The following ZNF462 variants were observed in gnomAD, a reference collection of about 807,000 sequenced individuals.
ZNF462 encodes zinc finger protein 462.
ZNF462 carries 10 observed loss-of-function variants against 201.9 expected under a neutral mutation model. That is an observed-to-expected ratio of 0.05 (90% CI 0.03 to 0.08). ZNF462 has a LOEUF of 0.08. ZNF462 is among the 10% of genes least tolerant of loss of function. The probability of loss-of-function intolerance (pLI) is 1.00; values close to 1 mark genes in which losing one functional copy is unlikely to be tolerated. For synonymous variants in ZNF462, 1,227 were observed against 1,193.3 expected (o/e 1.03, Z -0.58); for missense variants, 2,523 against 3,168.3 (o/e 0.80, Z 4.89).
intron 7 of ZNF462, among the ~76,000 whole-genome samples, chr9:106,953,644 ACT>A (rs139423235): frequency 2.7e-5 from 4 of 149,946 alleles, no homozygotes; most frequent in Admixed American, 6.7e-5. Flanking sequence ...TTCTCTTTGC[ACT>A]CTCTCTCTCT....
Position 107,011,257 on chromosome 9 carries a change from T to C in ZNF462, c.*227T>C. On this transcript the variant is annotated 3_prime_UTR_variant, in exon 13 of 13. Coordinates refer to ENST00000277225, the MANE Select transcript of ZNF462 (RefSeq NM_021224.6). This position sits in a 1 kb window ranked among gnomAD's most constrained non-coding sequence, Gnocchi z 5.6. Reference sequence around the variant, plus strand: ...GCTCCTTTTCCATCACTACATCTTTTCTTCCGGATCTTCATCATGGAAGTT... The same window carrying C: ...GCTCCTTTTCCATCACTACATCTTTCCTTCCGGATCTTCATCATGGAAGTT... 2.0e-6 allele frequency: 1 copy of C among 496,562 alleles called. No homozygotes were observed. 30.8% of individuals were successfully genotyped at this position (496,562 alleles called of 1,614,324 possible).
intron 7 of ZNF462, among the ~76,000 whole-genome samples, chr9:106,961,370 T>A (rs1486272277): frequency 6.6e-6 from 1 of 152,118 alleles, no homozygotes; most frequent in African/African-American, 2.4e-5. Context: ...TCAGAAGCCA[T>A]TGTCCGTGTA....
chr9:106,964,569 A>G (rs764733390), intron 7 of ZNF462, among the ~76,000 whole-genome samples: 3 of 152,024 alleles, frequency 2.0e-5, no homozygotes, highest in East Asian at 1.9e-4. Context: ...TTGAAGTGGA[A>G]TGAGAACTTA....
upstream of ZNF462, among the ~76,000 whole-genome samples, chr9:106,861,541 C>T (rs78756504): frequency 3.9e-5 from 6 of 152,358 alleles, no homozygotes; most frequent in East Asian, 7.7e-4. Flanking sequence ...CTTTCTGCCC[C>T]GCGCGCTGCG....
rs1828048990 is a variant in ZNF462, at chr9:106,880,623, G to A, written c.-31+17268G>A. ...TTTTGTGGAGCTGCTAGAATAGAAA[G>A]AGTGGTTGTTGGGATATATTTTTAT... On this transcript the variant is annotated intron_variant, in intron 1 of 12. Transcript: ENST00000277225. This position sits in a 1 kb window ranked among gnomAD's most constrained non-coding sequence, Gnocchi z 4.1. Among the ~76,000 whole-genome samples the A allele has an allele frequency of 6.6e-6, 1 of 152,238 alleles. No individual in the cohort carries two copies. The highest frequency in any genetic ancestry group is 2.4e-5 in the African/African-American group (1 of 41,466).
intron 7 of ZNF462, 94 bp from the exon 8 acceptor site, chr9:106,971,911 G>A (rs1453347036): frequency 1.2e-5 from 17 of 1,461,142 alleles, no homozygotes; most frequent in East Asian, 4.6e-5. Context: ...AGTAAAGCTG[G>A]AGGGTAAAAA....
Position 107,012,697 on chromosome 9 carries a change from C to A in ZNF462, c.*1667C>A, listed in dbSNP as rs1181441161. The A allele has an allele frequency of 8.3e-6, 1 of 120,198 alleles. No homozygotes were observed. The highest frequency in any genetic ancestry group is 1.6e-5 in the Non-Finnish European group (1 of 62,258). The allele number at this position is 120,198 out of a possible 1,614,324, so 7.4% of individuals were successfully genotyped here. On this transcript the variant is annotated 3_prime_UTR_variant, in exon 13 of 13. Coordinates refer to ENST00000277225, the MANE Select transcript of ZNF462 (RefSeq NM_021224.6). ...TGTGTGCATGTGTGCACGTGTGAAT[C>A]CTTTGGTTTTCATGTTTTTTTTTTT...
intron 7 of ZNF462, among the ~76,000 whole-genome samples, chr9:106,961,113 T>C (rs1417049549): frequency 6.6e-6 from 1 of 152,122 alleles, no homozygotes; most frequent in African/African-American, 2.4e-5. Flanking sequence ...AGCTATGATG[T>C]ATTTAAATAC....
chr9:106,988,252 A>G (rs569727396), intron 10 of ZNF462, among the ~76,000 whole-genome samples: 4 of 152,126 alleles, frequency 2.6e-5, no homozygotes, highest in African/African-American at 9.6e-5. Context: ...TTTTACATGG[A>G]TGGCAACAGG....
rs540688240 is a variant in ZNF462, at chr9:106,932,739, G to A, written c.6116+190G>A. ...GAGAACAGGAGATTGATCGGATGGC[G>A]TTAGATTTGGCAAATGCAGGCATTT... On this transcript the variant is annotated intron_variant, in intron 5 of 12. Coordinates refer to ENST00000277225, the MANE Select transcript of ZNF462 (RefSeq NM_021224.6). This position sits in a 1 kb window ranked among gnomAD's most constrained non-coding sequence, Gnocchi z 6.8. The A allele has an allele frequency of 3.1e-5, 22 of 698,534 alleles. No individual in the cohort carries two copies. Among genetic ancestry groups the A allele is most frequent in the African/African-American group, 1.4e-4 (8 of 55,710 alleles). The allele number at this position is 698,534 out of a possible 1,614,324, so 43.3% of individuals were successfully genotyped here. A position where few individuals can be genotyped will look rare whatever the true frequency, so the allele number is the denominator to read the frequency against.
chr9:106,962,791 TGACAACG>T lies in ZNF462; in HGVS notation c.6428-9211_6428-9205del, dbSNP rs1366239779. 6.6e-6 allele frequency among the ~76,000 whole-genome samples: 1 copy of T among 152,064 alleles called. No individual in the cohort carries two copies. The highest frequency in any genetic ancestry group is 1.5e-5 in the Non-Finnish European group (1 of 67,968). On this transcript the variant is annotated intron_variant, in intron 7 of 12. Coordinates refer to ENST00000277225, the MANE Select transcript of ZNF462 (RefSeq NM_021224.6). This position sits in a 1 kb window ranked among gnomAD's most constrained non-coding sequence, Gnocchi z 4.6. ...GCGTTTGTTTTTCCGTTTGCCTCCA[TGACAACG>T]GAGTCCAGAATTCCTATATATAGTC... is the stretch of plus-strand genomic sequence containing the variant.
intron 10 of ZNF462, among the ~76,000 whole-genome samples, chr9:106,985,332 T>C (rs575098094): frequency 3.3e-5 from 5 of 152,098 alleles, no homozygotes; most frequent in African/African-American, 7.2e-5. Flanking sequence ...TTGTAAAATA[T>C]ATGTTTTGGG....
chr9:106,924,435 G>C lies in ZNF462; in HGVS notation c.523G>C (p.Ala175Pro). The C allele has an allele frequency of 2.5e-6, 4 of 1,614,104 alleles. No homozygotes were observed. The highest frequency in any genetic ancestry group is 3.4e-6 in the Non-Finnish European group (4 of 1,180,016). Reference protein sequence around the residue: ...QFCTYKSPRRARIIKHQKMYH... With the variant: ...QFCTYKSPRRPRIIKHQKMYH... Reference sequence around the variant, plus strand: ...TTGCACATACAAGTCACCAAGAAGGGCAAGAATAATTAAGCATCAGAAGAT... The same window carrying C: ...TTGCACATACAAGTCACCAAGAAGGCCAAGAATAATTAAGCATCAGAAGAT... The change falls in exon 3 of 13, where the codon GCA becomes CCA. Residue 175 changes from alanine (A) to proline (P), a missense_variant. Ala to Pro is a conservative substitution (Grantham distance 27). Transcript: ENST00000277225. The surrounding 1 kb of genome is among the most constrained non-coding windows in gnomAD (Gnocchi z 6.2).
At chr9:106,982,474 A>T (rs1827512032) in intron 9 of ZNF462, among the ~76,000 whole-genome samples, 1 of 152,176 alleles carries the variant, frequency 6.6e-6, no homozygotes, top group Non-Finnish European at 1.5e-5. Flanking sequence ...TTACTAGTTT[A>T]TGCCAAAGCA....
intron 1 of ZNF462, among the ~76,000 whole-genome samples, chr9:106,908,779 C>T (rs1829379506): frequency 6.7e-6 from 1 of 149,706 alleles, no homozygotes; most frequent in Non-Finnish European, 1.5e-5. Context: ...AAGCTATAGT[C>T]TGTTTTTATT....
In ZNF462 at chr9:107,004,595, T is replaced by A. The variant is rs914235528; in HGVS notation, c.7189+1169T>A. Among the ~76,000 whole-genome samples, 7 of 152,168 alleles carry A rather than the reference T, an allele frequency of 4.6e-5. No homozygotes were observed. In the East Asian group the frequency reaches 5.8e-4, roughly 13 times the overall value. ...TTTGGACTTTTTAAATTTACTTTTTTAAATTATTTTAATAAAAATTGTATA... is the reference window on the plus strand; with the variant it reads ...TTTGGACTTTTTAAATTTACTTTTTAAAATTATTTTAATAAAAATTGTATA... On this transcript the variant is annotated intron_variant, in intron 11 of 12. Coordinates refer to ENST00000277225, the MANE Select transcript of ZNF462 (RefSeq NM_021224.6).
intron 7 of ZNF462, among the ~76,000 whole-genome samples, chr9:106,943,057 C>CCTGTGTGTGTGT (rs1554708448): frequency 7.3e-6 from 1 of 136,818 alleles, no homozygotes; most frequent in Non-Finnish European, 1.6e-5. Flanking sequence ...GTTTTGCGCG[C>CCTGTGTGTGTGT]GCGTGTGTGT....
chr9:106,984,759 G>A lies in ZNF462; in HGVS notation c.7056+350G>A, dbSNP rs1474781318. 2.0e-5 allele frequency among the ~76,000 whole-genome samples: 3 copies of A among 152,180 alleles called. No homozygotes were observed. Among genetic ancestry groups the A allele is most frequent in the South Asian group, 4.1e-4 (2 of 4,826 alleles). The stretch of plus-strand genomic sequence containing the variant: ...TTTTTTAAAGCTTATTCTAAAAGAA[G>A]TATTTTGCTATGTTATTTGAAATGT... On this transcript the variant is annotated intron_variant, in intron 10 of 12. Coordinates refer to ENST00000277225, the MANE Select transcript of ZNF462 (RefSeq NM_021224.6). The surrounding 1 kb of genome is among the most constrained non-coding windows in gnomAD (Gnocchi z 6.4).
chr9:106,946,821 A>G (rs1831128705), intron 7 of ZNF462, among the ~76,000 whole-genome samples: 1 of 152,108 alleles, frequency 6.6e-6, no homozygotes, highest in South Asian at 2.1e-4. Context: ...TATAAAAATA[A>G]AATAAAATAA....
Sources: allele counts gnomAD v4.1 joint callset (sites outside exome capture counted in the v4.1 genomes callset), GRCh38; gene constraint gnomAD v4.1.1; non-coding constraint Gnocchi (gnomAD v3.1); transcripts MANE v1.5; gene names NCBI Gene and HGNC (gene_info 2026-07-23, HGNC 2026-07-21).